The following CDC42BPG variants were observed in gnomAD, a reference collection of about 807,000 sequenced individuals.
The protein encoded by CDC42BPG is CDC42 binding protein kinase gamma.
Under a neutral mutation model 192.2 loss-of-function variants are expected in CDC42BPG, and 157 were observed. The ratio of observed to expected loss-of-function variants is 0.82; its 90% CI spans 0.72 to 0.93. The LOEUF (loss-of-function observed/expected upper bound fraction) is 0.93. Ranked by LOEUF, CDC42BPG falls within the 40% of genes least tolerant of loss-of-function variation. CDC42BPG has a pLI of 0.00. For missense variants in CDC42BPG, 1,992 were observed against 2,122.1 expected (o/e 0.94, Z 1.20); for synonymous variants, 981 against 918.5 (o/e 1.07, Z -1.23).
At chr11:64,835,937 G>C in intron 13 of CDC42BPG, 86 bp from the exon 14 acceptor site, 1 of 1,375,212 alleles carries the variant, frequency 7.3e-7, no homozygotes, top group Non-Finnish European at 9.9e-7. Context: ...AGACCTGCCA[G>C]CCACAGTGGA....
Position 64,838,851 on chromosome 11 carries a change from C to A in CDC42BPG, c.928G>T (p.Asp310Tyr). The change falls in exon 8 of 37, where the codon GAC (aspartate) becomes TAC (tyrosine). Residue 310 changes from aspartate (D) to tyrosine (Y), a missense_variant. Around this residue, in one of 2 missense-constraint regions of CDC42BPG, gnomAD observed 1,656 missense variants for 1,844.3 expected, o/e 0.90. Transcript: ENST00000342711. The part of the protein sequence containing the change: ...DVPDVPASAQ[D>Y]LIRQLLCRQE... ...CGACACAGCAGCTGGCGGATCAGGT[C>A]TTGGGCGCTGGCTGGCACGTCAGGC... 2 of 1,610,936 alleles carry A rather than the reference C, an allele frequency of 1.2e-6. No individual in the cohort carries two copies. Among genetic ancestry groups the A allele is most frequent in the African/African-American group, 1.3e-5 (1 of 74,790 alleles).
At chr11:64,835,999 G>T in intron 13 of CDC42BPG, 118 bp downstream of exon 13, 1 of 1,349,572 alleles carries the variant, frequency 7.4e-7, no homozygotes. Flanking sequence ...CCATCCCCTG[G>T]CCTAGCCTCT....
intron 1 of CDC42BPG, among the ~76,000 whole-genome samples, chr11:64,843,229 T>G (rs547415809): frequency 6.6e-5 from 10 of 151,962 alleles, no homozygotes; most frequent in Admixed American, 5.2e-4. Flanking sequence ...TGAGTTACCT[T>G]GGGAGATTGT....
intron 9 of CDC42BPG, 36 bp downstream of exon 9, chr11:64,838,047 C>G (rs767914173): frequency 1.3e-6 from 2 of 1,536,004 alleles, no homozygotes; most frequent in East Asian, 2.4e-5. Context: ...CAGGCAACCC[C>G]GAGCCTCCCA....
chr11:64,827,015 C>T lies in CDC42BPG; in HGVS notation c.4389+35G>A, dbSNP rs756129538. ...GAGGCCGGTTATTGGCTCAGCCTCA[C>T]CAAAGTGGCTTGTGATTGGCTCCAG... is the stretch of plus-strand genomic sequence containing the variant. On this transcript the variant is annotated intron_variant, in intron 34 of 36. Coordinates refer to ENST00000342711, the MANE Select transcript of CDC42BPG (RefSeq NM_017525.3). 83 of 1,464,478 alleles carry T rather than the reference C, an allele frequency of 5.7e-5. No homozygotes were observed. The Middle Eastern group carries it at 1.4e-3, about 25-fold the overall frequency. 90.7% of individuals were successfully genotyped at this position (1,464,478 alleles called of 1,614,324 possible).
rs777983305 is a variant in CDC42BPG, at chr11:64,827,649, C to A, written c.4065+37G>T. The stretch of plus-strand genomic sequence containing the variant: ...GCACAGCGGTCAGGCCACGCCTCCA[C>A]CCCCGGCGCTACCCCAGGGCTCTGG... On this transcript the variant is annotated intron_variant, in intron 31 of 36. Coordinates refer to ENST00000342711, the MANE Select transcript of CDC42BPG (RefSeq NM_017525.3). 6 of 1,604,918 alleles carry A rather than the reference C, an allele frequency of 3.7e-6. No individual in the cohort carries two copies. The African/African-American group carries it at 5.4e-5, about 14-fold the overall frequency.
chr11:64,828,200 G>A (rs1486440827), intron 30 of CDC42BPG, among the ~76,000 whole-genome samples: 1 of 152,114 alleles, frequency 6.6e-6, no homozygotes, highest in African/African-American at 2.4e-5. Flanking sequence ...CATTGCTCAC[G>A]AAGGACACTC....
chr11:64,828,749 T>C (rs1273153934), intron 30 of CDC42BPG, among the ~76,000 whole-genome samples: 4 of 151,750 alleles, frequency 2.6e-5, no homozygotes, highest in Non-Finnish European at 5.9e-5. Context: ...AAACCCCATC[T>C]CTGAAAAAAT....
At chr11:64,843,951 G>T (rs961334940) in intron 1 of CDC42BPG, among the ~76,000 whole-genome samples, 1 of 152,196 alleles carries the variant, frequency 6.6e-6, no homozygotes, top group East Asian at 1.9e-4. Flanking sequence ...TGCGGTCGGG[G>T]TGGTCTGCAG....
At chr11:64,840,743 C>T in intron 3 of CDC42BPG, 95 bp from the exon 4 acceptor site, 1 of 1,112,472 alleles carries the variant, frequency 9.0e-7, no homozygotes, top group Non-Finnish European at 1.3e-6. Context: ...TTCTGTGAGT[C>T]TGGGAGCTCA....
rs199688965 is a variant in CDC42BPG at position 64,835,531 on chromosome 11, G to A, written c.1849C>T (p.Arg617Ter). The A allele has an allele frequency of 3.8e-6, 6 of 1,594,410 alleles. No homozygotes were observed. The highest frequency in any genetic ancestry group is 2.2e-5 in the East Asian group (1 of 44,742). The change falls in exon 15 of 37, where the codon CGA becomes TGA. Residue 617 changes from arginine (R) to a stop codon, truncating the protein, a stop_gained. Coordinates refer to ENST00000342711, the MANE Select transcript of CDC42BPG (RefSeq NM_017525.3). LOFTEE classifies it high-confidence loss of function. ...AQLRKEVAALREQLEQAHSHR... is the reference protein window; with the variant it reads ...AQLRKEVAAL ...CTGTGGGCCTGCTCCAGCTGCTCTC[G>A]CAGGGCGGCCACCTCCTTCCTCAGT...
In CDC42BPG at chr11:64,836,810, TGCAGGGCCTCTGGAGG is replaced by T. The variant is rs751054164; in HGVS notation, c.1304-7_1312del. On this transcript the variant is annotated splice_acceptor_variant and splice_polypyrimidine_tract_variant and coding_sequence_variant and intron_variant, in exon 11 of 37. Coordinates refer to ENST00000342711, the MANE Select transcript of CDC42BPG (RefSeq NM_017525.3). LOFTEE classifies it high-confidence loss of function. ...CAGCTCCCGATGGTCTGTGGGGGCG[TGCAGGGCCTCTGGAGG>T]GGAGGTGGTACCCACAGGTGAGTCC... 7 of 1,592,250 alleles carry T rather than the reference TGCAGGGCCTCTGGAGG, an allele frequency of 4.4e-6. No homozygotes were observed. In the East Asian group the frequency reaches 1.6e-4, roughly 36 times the overall value.
At position 64,833,834 on chromosome 11, in the gene CDC42BPG, C is replaced by T. The variant is rs1438382652; in HGVS notation, c.2469G>A (p.Lys823=). 12 of 1,614,256 alleles carry T rather than the reference C, an allele frequency of 7.4e-6. No homozygotes were observed. The highest frequency in any genetic ancestry group is 8.5e-6 in the Non-Finnish European group (10 of 1,180,042). ...IPFLSFRSSE[K]DSAKDPGISG... ...AGATGCCAGGGTCCTTGGCAGAATC[C>T]TTCTGGGGGTGGGAGAGAGAGGAGC... The change falls in exon 22 of 37, where the codon AAG becomes AAA. Residue 823 remains lysine (K), a splice_region_variant and synonymous_variant. Coordinates refer to ENST00000342711, the MANE Select transcript of CDC42BPG (RefSeq NM_017525.3).
chr11:64,824,357 TCCTC>T lies in CDC42BPG; in HGVS notation c.*112_*115del. ...TCTCCCAGTCATTGCCCAGCCCGGG[TCCTC>T]CCTGAGTCCGAATTTCCATGTCCCG... is the stretch of plus-strand genomic sequence containing the variant. On this transcript the variant is annotated 3_prime_UTR_variant, in exon 37 of 37. Coordinates refer to ENST00000342711, the MANE Select transcript of CDC42BPG (RefSeq NM_017525.3). 4 of 823,786 alleles carry T rather than the reference TCCTC, an allele frequency of 4.9e-6. No homozygotes were observed. The highest frequency in any genetic ancestry group is 6.5e-6 in the Non-Finnish European group (3 of 461,402). The allele number at this position is 823,786 out of a possible 1,614,324, so 51.0% of individuals were successfully genotyped here.
intron 27 of CDC42BPG, 43 bp downstream of exon 27, chr11:64,832,385 G>T: frequency 6.3e-7 from 1 of 1,583,036 alleles, no homozygotes; most frequent in South Asian, 1.1e-5. Context: ...GGACAGCATG[G>T]GGAGGTGGAT....
chr11:64,836,228 C>G lies in CDC42BPG; in HGVS notation c.1557G>C (p.Gln519His). ...CCTGTAGCCTCTGAAGCAGCTCCTC[C>G]TGCTGCCCCTGGGCCCTGCAGAGCT... ...EQELCRAQGQQEELLQRLQEA... is the reference protein window; with the variant it reads ...EQELCRAQGQHEELLQRLQEA... Residue 519 changes from glutamine (Q) to histidine (H), a missense_variant, in exon 13 of 37, where the codon CAG becomes CAC. Transcript: ENST00000342711. 1 of 1,600,424 alleles carries G rather than the reference C, an allele frequency of 6.2e-7. No homozygotes were observed. Among genetic ancestry groups the G allele is most frequent in the Non-Finnish European group, 8.5e-7 (1 of 1,175,650 alleles).
Position 64,824,425 on chromosome 11 carries a change from C to T in CDC42BPG, c.*48G>A, listed in dbSNP as rs542245423. ...ATGGCATTCCTCAAGCTCTTTGCTCCCTCATGTCCTTCTGCCCTGGGATTG... is the reference window on the plus strand; with the variant it reads ...ATGGCATTCCTCAAGCTCTTTGCTCTCTCATGTCCTTCTGCCCTGGGATTG... On this transcript the variant is annotated 3_prime_UTR_variant, in exon 37 of 37. Coordinates refer to ENST00000342711, the MANE Select transcript of CDC42BPG (RefSeq NM_017525.3). 7.7e-4 allele frequency: 974 copies of T among 1,265,068 alleles called. 14 individuals are homozygous for T. In the South Asian group the frequency reaches 0.011, roughly 14 times the overall value. The allele number at this position is 1,265,068 out of a possible 1,614,324, so 78.4% of individuals were successfully genotyped here.
In CDC42BPG at chr11:64,836,721, G is replaced by GA. The variant is rs764843245; in HGVS notation, c.1384+17_1384+18insT. 4.7e-6 allele frequency: 4 copies of GA among 857,220 alleles called. No homozygotes were observed. The highest frequency in any genetic ancestry group is 3.1e-5 in the Admixed American group (1 of 32,540). 53.1% of individuals were successfully genotyped at this position (857,220 alleles called of 1,614,324 possible). On this transcript the variant is annotated intron_variant, in intron 11 of 36. Coordinates refer to ENST00000342711, the MANE Select transcript of CDC42BPG (RefSeq NM_017525.3). ...GACTCAGCCCTGGGGGGGGGGGGGG[G>GA]GTGGGCGGAAGGGATACCTGGCAGC... is the stretch of plus-strand genomic sequence containing the variant.
intron 14 of CDC42BPG, 54 bp downstream of exon 14, chr11:64,835,708 G>GT (rs1942952359): frequency 1.9e-6 from 3 of 1,608,338 alleles, no homozygotes; most frequent in Non-Finnish European, 2.5e-6. Flanking sequence ...GAGGCTCTGA[G>GT]TGGGGTCAGG....
Sources: allele counts gnomAD v4.1 joint callset (sites outside exome capture counted in the v4.1 genomes callset), GRCh38; gene constraint gnomAD v4.1.1; regional missense constraint gnomAD v4.1.1; transcripts MANE v1.5; gene names NCBI Gene and HGNC (gene_info 2026-07-23, HGNC 2026-07-21).